NPM3: variants seen among roughly 807,000 people sequenced by gnomAD.
NPM3 encodes the protein nucleophosmin/nucleoplasmin 3.
In NPM3, 12 loss-of-function variants were observed where a neutral mutation model predicts 18.1. The ratio of observed to expected loss-of-function variants is 0.66; its 90% CI spans 0.42 to 1.07. The LOEUF is 1.07. Ranked by LOEUF, NPM3 falls within the 50% of genes least tolerant of loss-of-function variation. The pLI is 0.00. For missense variants in NPM3, 274 were observed against 232.1 expected (o/e 1.18, Z -1.17); for synonymous variants, 116 against 93.7 (o/e 1.24, Z -1.38).
chr10:101,781,925 T>C, intron 4 of NPM3, 71 bp from the exon 5 acceptor site: 19 of 1,613,422 alleles, frequency 1.2e-5, no homozygotes, highest in South Asian at 2.2e-5. Context: ...TGCCATTTCT[T>C]CACGCCGTGG....
chr10:101,782,520 G>C, exon 3 of NPM3: 9 of 1,613,800 alleles, frequency 5.6e-6, no homozygotes, highest in African/African-American at 1.3e-5. Flanking sequence ...CAGGGACTGC[G>C]ATCTCCTGAT....
chr10:101,782,878 C>T, exon 2 of NPM3: 1 of 1,614,222 alleles, frequency 6.2e-7, no homozygotes, highest in Non-Finnish European at 8.5e-7. Context: ...CATCCTCTTC[C>T]TCTACCTTAA....
Position 101,782,332 on chromosome 10 carries a change from TG to T in NPM3, c.343del (p.Gln115SerfsTer6). ...GCGGAAGGTTACAGGTGGTTGGAGC[TG>T]GAAGTCATCCAGACTGAGCTGGGAG... is the stretch of plus-strand genomic sequence containing the variant. On this transcript the variant is annotated frameshift_variant, in exon 4 of 6. Transcript: ENST00000370110. LOFTEE classifies it high-confidence loss of function. 6.2e-7 allele frequency: 1 copy of T among 1,613,872 alleles called. No homozygotes were observed. The highest frequency in any genetic ancestry group is 2.2e-5 in the East Asian group (1 of 44,866).
chr10:101,783,034 G>C (rs1280733513), intron 1 of NPM3, 110 bp from the exon 2 acceptor site: 1 of 936,592 alleles, frequency 1.1e-6, no homozygotes, highest in Admixed American at 2.1e-5. Context: ...TCATTTACAC[G>C]TCCACCTCCG....
intron 2 of NPM3, 75 bp downstream of exon 2, chr10:101,782,764 G>A: frequency 6.3e-7 from 1 of 1,577,130 alleles, no homozygotes. Context: ...AAGTAAAGGG[G>A]ATCCGGAGGT....
chr10:101,781,800 C>T (rs2065142694), exon 5 of NPM3: 3 of 1,614,230 alleles, frequency 1.9e-6, no homozygotes, highest in Non-Finnish European at 2.5e-6. Flanking sequence ...TTCCTCATCA[C>T]TGTCCTCTTC....
chr10:101,782,979 G>A (rs1589817975), intron 1 of NPM3, 55 bp from the exon 2 acceptor site: 15 of 1,539,158 alleles, frequency 9.7e-6, no homozygotes, highest in Non-Finnish European at 1.2e-5. Flanking sequence ...TGGGCAGCGG[G>A]GGATGTCACC....
chr10:101,782,905 G>A (rs1339797753), exon 2 of NPM3: 3 of 1,613,992 alleles, frequency 1.9e-6, no homozygotes, highest in Non-Finnish European at 2.5e-6. Context: ...AGGAGCGGGT[G>A]TGGCCGGAGA....
chr10:101,782,647 C>A (rs1188986824), intron 2 of NPM3, 50 bp from the exon 3 acceptor site: 2 of 1,610,992 alleles, frequency 1.2e-6, no homozygotes, highest in African/African-American at 1.3e-5. Context: ...AGGGTTGACA[C>A]CACAACTAAA....
At chr10:101,782,728 G>T in intron 2 of NPM3, 111 bp downstream of exon 2, 1 of 1,573,234 alleles carries the variant, frequency 6.4e-7, no homozygotes, top group South Asian at 1.1e-5. Flanking sequence ...GCCCATGCCG[G>T]GGGGTTAGGC....
chr10:101,782,970 G>A (rs1409208435), intron 1 of NPM3, 46 bp from the exon 2 acceptor site: 3 of 1,573,008 alleles, frequency 1.9e-6, no homozygotes, highest in Non-Finnish European at 2.6e-6. Flanking sequence ...GTACGGGGCT[G>A]GGCAGCGGGG....
In NPM3 at chr10:101,783,379, ACC is replaced by A; in HGVS notation, c.10_11del (p.Gly4TyrfsTer38). On this transcript the variant is annotated frameshift_variant, in exon 1 of 6. Coordinates refer to ENST00000370110, the Ensembl canonical transcript of NPM3. LOFTEE classifies it high-confidence loss of function. ...TCAAAAACGCTAAGGCAGCTGCAGT[ACC>A]GGCGGCCATGCTGTAAGAGCCTTCT... is the stretch of plus-strand genomic sequence containing the variant. The A allele has an allele frequency of 6.2e-7, 1 of 1,608,580 alleles. No individual in the cohort carries two copies. Among genetic ancestry groups the A allele is most frequent in the South Asian group, 1.1e-5 (1 of 90,620 alleles).
exon 6 of NPM3, chr10:101,781,615 A>G: frequency 3.4e-6 from 3 of 893,318 alleles, no homozygotes; most frequent in Non-Finnish European, 4.8e-6. Context: ...ATGGCGGTGC[A>G]TGGCACATGG....
At chr10:101,782,451 C>A (rs968954382) in intron 3 of NPM3, 27 bp downstream of exon 3, 1 of 1,605,108 alleles carries the variant, frequency 6.2e-7, no homozygotes, top group African/African-American at 1.3e-5. Context: ...ACCACCACCA[C>A]CACCAAGGCA....
In NPM3 at chr10:101,782,239, G is replaced by A. The variant is rs759778942; in HGVS notation, c.418+19C>T. ...AGAGTCCACTGGAAGCAAAGGAGAG[G>A]GCCCTCCCCTCTTCTCACCAATCTG... On this transcript the variant is annotated intron_variant, in intron 4 of 5. Transcript: ENST00000370110. 1.2e-6 allele frequency: 2 copies of A among 1,604,582 alleles called. No individual in the cohort carries two copies. The highest frequency in any genetic ancestry group is 8.5e-7 in the Non-Finnish European group (1 of 1,173,244).
chr10:101,782,976 C>G, intron 1 of NPM3, 52 bp from the exon 2 acceptor site: 3 of 1,548,174 alleles, frequency 1.9e-6, no homozygotes, highest in Non-Finnish European at 1.8e-6. Context: ...GGCTGGGCAG[C>G]GGGGGATGTC....
At chr10:101,781,609 C>T (rs977165712) in exon 6 of NPM3, 9 of 788,480 alleles carry the variant, frequency 1.1e-5, no homozygotes, top group Middle Eastern at 4.9e-4. Context: ...GGGTGCATGG[C>T]GGTGCATGGC....
chr10:101,783,103 G>A (rs766068873), intron 1 of NPM3, among the ~76,000 whole-genome samples, 170 bp downstream of exon 1: 2 of 152,174 alleles, frequency 1.3e-5, no homozygotes, highest in Admixed American at 6.5e-5. Context: ...CACATCTGGG[G>A]CAGGGATCTC....
intron 1 of NPM3, 86 bp downstream of exon 1, chr10:101,783,187 A>C: frequency 9.3e-7 from 1 of 1,069,758 alleles, no homozygotes. Context: ...GCCCACACCC[A>C]CGCCTTGAAA....
Sources: allele counts gnomAD v4.1 joint callset (sites outside exome capture counted in the v4.1 genomes callset), GRCh38; gene constraint gnomAD v4.1.1; transcripts MANE v1.5; gene names NCBI Gene and HGNC (gene_info 2026-07-23, HGNC 2026-07-21).